Variants in EPHA6 observed in about 807,000 individuals in gnomAD.
The protein encoded by EPHA6 is ephrin type-A receptor 6.
In EPHA6, 50 loss-of-function variants were observed where a neutral mutation model predicts 112.0. That is an observed-to-expected ratio of 0.45 (90% CI 0.36 to 0.56). EPHA6 has a LOEUF of 0.56. Ranked by LOEUF, EPHA6 falls within the 20% of genes least tolerant of loss-of-function variation. The pLI, the probability that EPHA6 is intolerant of heterozygous loss-of-function variation, is 0.00. For synonymous variants in EPHA6, 529 were observed against 490.7 expected, an observed-to-expected ratio of 1.08 and a Z score of -1.03; for missense variants, 1,280 against 1,417.4, an observed-to-expected ratio of 0.90 and a Z score of 1.56.
intron 11 of EPHA6, among the ~76,000 whole-genome samples, chr3:97,570,608 T>C (rs980580030): frequency 6.6e-6 from 1 of 151,898 alleles, no homozygotes; most frequent in Admixed American, 6.6e-5. Flanking sequence ...CAGGCACCTG[T>C]AATCCCAGCT....
At chr3:97,535,310 T>TA (rs905913075) in intron 11 of EPHA6, among the ~76,000 whole-genome samples, 9 of 151,854 alleles carry the variant, frequency 5.9e-5, no homozygotes, top group Non-Finnish European at 1.0e-4. Flanking sequence ...TTCCACTTCT[T>TA]AAAAAAAAGA....
intron 2 of EPHA6, among the ~76,000 whole-genome samples, chr3:96,941,769 G>T (rs909765188): frequency 6.6e-6 from 1 of 152,122 alleles, no homozygotes; most frequent in Non-Finnish European, 1.5e-5. Context: ...CGTACAGATG[G>T]GTTTTTGGTG....
At chr3:97,212,420 G>A (rs749919413) in intron 3 of EPHA6, among the ~76,000 whole-genome samples, 1 of 152,102 alleles carries the variant, frequency 6.6e-6, no homozygotes, top group African/African-American at 2.4e-5. Context: ...TGTTGTATGA[G>A]TATTATTACC....
intron 14 of EPHA6, among the ~76,000 whole-genome samples, chr3:97,654,854 C>G (rs2094128327): frequency 6.6e-6 from 1 of 151,616 alleles, no homozygotes; most frequent in African/African-American, 2.4e-5. Flanking sequence ...AAGGAAGCCA[C>G]TGGAAAATTT....
rs568315115 is a variant in EPHA6, at chr3:97,350,832, A to T, written c.1607-54318A>T. ...ACATCTGAAGCCCTCAAGAAAAAAA[A>T]ATATATATAATCTCTTTTTTCTTGC... is the stretch of plus-strand genomic sequence containing the variant. On this transcript the variant is annotated intron_variant, in intron 5 of 17. Transcript: ENST00000389672. Among the ~76,000 whole-genome samples, 21 of 152,124 alleles carry T rather than the reference A, an allele frequency of 1.4e-4. No homozygotes were observed. In the East Asian group the frequency reaches 3.3e-3, roughly 24 times the overall value.
At chr3:97,203,627 G>A (rs1172354734) in intron 3 of EPHA6, among the ~76,000 whole-genome samples, 1 of 152,088 alleles carries the variant, frequency 6.6e-6, no homozygotes, top group Non-Finnish European at 1.5e-5. Context: ...TGAGATGATT[G>A]TGGTGTGGAG....
At chr3:97,020,843 C>T (rs2044432893) in intron 3 of EPHA6, among the ~76,000 whole-genome samples, 2 of 151,796 alleles carry the variant, frequency 1.3e-5, no homozygotes, top group African/African-American at 2.4e-5. Context: ...CCTAGTGATC[C>T]GTTATTGGAA....
chr3:96,919,374 A>G (rs1377895478), intron 2 of EPHA6, among the ~76,000 whole-genome samples: 1 of 151,942 alleles, frequency 6.6e-6, no homozygotes, highest in East Asian at 1.9e-4. Flanking sequence ...CATATACATA[A>G]AATGTAAAAT....
At chr3:96,894,934 C>T (rs953536344) in intron 2 of EPHA6, among the ~76,000 whole-genome samples, 2 of 152,146 alleles carry the variant, frequency 1.3e-5, no homozygotes, top group Non-Finnish European at 2.9e-5. Context: ...AACATGGACC[C>T]CCAACACCAA....
chr3:96,998,263 A>G (rs1315682324), intron 3 of EPHA6, among the ~76,000 whole-genome samples: 1 of 151,898 alleles, frequency 6.6e-6, no homozygotes, highest in Non-Finnish European at 1.5e-5. Flanking sequence ...TTTCATGTGA[A>G]TTCTGCCTAG....
intron 4 of EPHA6, among the ~76,000 whole-genome samples, chr3:97,233,105 C>A (rs2078578212): frequency 6.6e-6 from 1 of 152,004 alleles, no homozygotes; most frequent in Admixed American, 6.6e-5. Context: ...TCCCTGGCAC[C>A]AGCTGCCACC....
intron 5 of EPHA6, among the ~76,000 whole-genome samples, chr3:97,398,305 G>T (rs2086802820): frequency 6.6e-6 from 1 of 151,342 alleles, no homozygotes; most frequent in Non-Finnish European, 1.5e-5. Context: ...GTAATGAATT[G>T]ATATGTTTAA....
intron 3 of EPHA6, among the ~76,000 whole-genome samples, chr3:97,225,877 C>T (rs551887068): frequency 5.2e-4 from 79 of 152,230 alleles, no homozygotes; most frequent in African/African-American, 1.8e-3. Flanking sequence ...ACATTTTGAA[C>T]AGAATGGTTT....
At chr3:97,054,269 C>T (rs912113962) in intron 3 of EPHA6, among the ~76,000 whole-genome samples, 3 of 152,010 alleles carry the variant, frequency 2.0e-5, no homozygotes, top group East Asian at 3.9e-4. Flanking sequence ...ATATTTCTTT[C>T]GAATGATTTA....
intron 5 of EPHA6, among the ~76,000 whole-genome samples, chr3:97,286,155 G>T (rs1400013817): frequency 6.6e-6 from 1 of 152,014 alleles, no homozygotes; most frequent in African/African-American, 2.4e-5. Flanking sequence ...TTTCTAGTCA[G>T]GTGATTAGTT....
intron 13 of EPHA6, among the ~76,000 whole-genome samples, chr3:97,633,874 C>T (rs1296032062): frequency 6.6e-6 from 1 of 152,028 alleles, no homozygotes; most frequent in East Asian, 1.9e-4. Flanking sequence ...TGTGCTATAC[C>T]TCATGTATGA....
At chr3:97,100,361 A>G (rs2108258442) in intron 3 of EPHA6, among the ~76,000 whole-genome samples, 1 of 151,734 alleles carries the variant, frequency 6.6e-6, no homozygotes, top group South Asian at 2.1e-4. Context: ...CTTTCTGATT[A>G]TCAGGCAGAC....
At chr3:97,665,729 T>C (rs1328353212) in intron 14 of EPHA6, among the ~76,000 whole-genome samples, 1 of 152,310 alleles carries the variant, frequency 6.6e-6, no homozygotes, top group East Asian at 1.9e-4. Flanking sequence ...TCTTCACCTG[T>C]CTTCCCAGCC....
At chr3:97,048,945 C>G (rs566857843) in intron 3 of EPHA6, among the ~76,000 whole-genome samples, 13 of 152,100 alleles carry the variant, frequency 8.5e-5, no homozygotes, top group Non-Finnish European at 1.3e-4. Flanking sequence ...AGGTCTCATT[C>G]TGAAGATGAT....
Sources: allele counts gnomAD v4.1 joint callset (sites outside exome capture counted in the v4.1 genomes callset), GRCh38; gene constraint gnomAD v4.1.1; transcripts MANE v1.5; gene names NCBI Gene and HGNC (gene_info 2026-07-23, HGNC 2026-07-21).